Variants in DIAPH2 observed in about 807,000 individuals in gnomAD.
DIAPH2 encodes diaphanous related formin 2.
A neutral mutation model predicts 92.7 loss-of-function variants in DIAPH2; 35 were observed. The observed-to-expected ratio is 0.38, with a 90% CI of 0.29 to 0.50. The LOEUF (loss-of-function observed/expected upper bound fraction) is 0.50. Among genes scored for constraint, DIAPH2 ranks in the 20% least tolerant of loss-of-function variants. DIAPH2 has a pLI of 0.94. For synonymous variants in DIAPH2, 301 were observed against 280.4 expected (o/e 1.07, Z -0.73); for missense variants, 701 against 819.5 (o/e 0.86, Z 1.77).
At chrX:97,186,571 G>A (rs781603505) in intron 22 of DIAPH2, among the ~76,000 whole-genome samples, 255 of 112,096 alleles carry the variant, frequency 2.3e-3, no homozygotes, top group African/African-American at 8.1e-3. Flanking sequence ...TTGATTTTTA[G>A]CATGATGATT....
chrX:97,161,575 G>C (rs2147440459), intron 22 of DIAPH2, among the ~76,000 whole-genome samples: 1 of 110,711 alleles, frequency 9.0e-6, no homozygotes, highest in African/African-American at 3.3e-5. Context: ...TAATTTTTTT[G>C]TATTTTTGGT....
chrX:97,118,752 G>A (rs1167874706), intron 21 of DIAPH2, among the ~76,000 whole-genome samples: 1 of 111,916 alleles, frequency 8.9e-6, no homozygotes, highest in Non-Finnish European at 1.9e-5. Context: ...GGCAGTGCTG[G>A]TAAATTGAAA....
At chrX:97,514,373 G>T (rs1885124529) in intron 26 of DIAPH2, among the ~76,000 whole-genome samples, 1 of 111,576 alleles carries the variant, frequency 9.0e-6, no homozygotes, top group South Asian at 3.7e-4. Flanking sequence ...GCTCCTTTAA[G>T]CACTTCTCTG....
intron 17 of DIAPH2, among the ~76,000 whole-genome samples, chrX:97,065,149 G>T (rs2066625761): frequency 9.0e-6 from 1 of 111,501 alleles, no homozygotes; most frequent in African/African-American, 3.3e-5. Context: ...TCTTGGAGTT[G>T]ATTGCTGGAC....
chrX:96,938,142 T>A (rs2147799827), intron 11 of DIAPH2, among the ~76,000 whole-genome samples: 1 of 111,041 alleles, frequency 9.0e-6, no homozygotes, highest in African/African-American at 3.3e-5. Flanking sequence ...CAAAGTACCT[T>A]GTTTGTTCTA....
intron 1 of DIAPH2, among the ~76,000 whole-genome samples, chrX:96,710,495 A>G (rs1569371475): frequency 9.0e-6 from 1 of 111,606 alleles, no homozygotes; most frequent in African/African-American, 3.3e-5. Context: ...TGTCTGCCAC[A>G]TTCTTTCTGG....
intron 22 of DIAPH2, among the ~76,000 whole-genome samples, chrX:97,142,824 T>C (rs2067217109): frequency 9.0e-6 from 1 of 111,580 alleles, no homozygotes; most frequent in South Asian, 3.8e-4. Flanking sequence ...CTGAGGACTT[T>C]TGGTAAGGAC....
At chrX:97,007,761 CTT>C (rs1202951643) in intron 17 of DIAPH2, among the ~76,000 whole-genome samples, 2 of 80,959 alleles carry the variant, frequency 2.5e-5, no homozygotes, top group African/African-American at 4.8e-5. Flanking sequence ...TTCTTTTTTT[CTT>C]TTTTTTTTTT....
At position 97,185,306 on chromosome X, in the gene DIAPH2, A is replaced by AT. The variant is rs759560567; in HGVS notation, c.2719+43512_2719+43513insT. On this transcript the variant is annotated intron_variant, in intron 22 of 26. Coordinates refer to ENST00000324765, the MANE Select transcript of DIAPH2 (RefSeq NM_006729.5). ...TGAGACCCTGTCTCAAAAAAAAAAA[A>AT]ATATATATATATATATATGTGTATA... 2.6e-3 allele frequency among the ~76,000 whole-genome samples: 89 copies of AT among 34,442 alleles called. 6 individuals carry two copies. The highest frequency in any genetic ancestry group is 0.01 in the African/African-American group (61 of 5,953). The allele number at this position is 34,442 out of a possible 115,157, so 29.9% of individuals were successfully genotyped here.
chrX:97,091,515 G>A (rs1288123080), intron 19 of DIAPH2, among the ~76,000 whole-genome samples: 1 of 111,357 alleles, frequency 9.0e-6, no homozygotes, highest in Non-Finnish European at 1.9e-5. Flanking sequence ...GACTCAAGCA[G>A]TCCCCTATCT....
intron 22 of DIAPH2, among the ~76,000 whole-genome samples, chrX:97,151,274 C>T (rs1229314353): frequency 9.0e-6 from 1 of 111,174 alleles, no homozygotes; most frequent in Non-Finnish European, 1.9e-5. Context: ...TTCAACCAAG[C>T]GGTTTTTAAA....
At chrX:97,344,516 A>T (rs1215866685) in intron 23 of DIAPH2, among the ~76,000 whole-genome samples, 1 of 112,455 alleles carries the variant, frequency 8.9e-6, no homozygotes, top group African/African-American at 3.2e-5. Context: ...TCTTACCTGC[A>T]GTCCCATATA....
intron 26 of DIAPH2, among the ~76,000 whole-genome samples, chrX:97,465,246 A>ACT: frequency 9.1e-6 from 1 of 109,782 alleles, no homozygotes; most frequent in Admixed American, 9.7e-5. Flanking sequence ...TGTAAAATGA[A>ACT]CTATCCTGTC....
chrX:96,854,965 A>C (rs2065030769), intron 4 of DIAPH2, among the ~76,000 whole-genome samples: 2 of 110,240 alleles, frequency 1.8e-5, no homozygotes, highest in African/African-American at 3.3e-5. Context: ...TGAAATAAAC[A>C]TTGAGATACT....
At chrX:97,291,652 C>T (rs1021996875) in intron 23 of DIAPH2, among the ~76,000 whole-genome samples, 34 of 108,909 alleles carry the variant, frequency 3.1e-4, no homozygotes, top group Middle Eastern at 9.5e-3. Context: ...CCCACCTCAG[C>T]CTCCCAAGTA....
At chrX:97,590,666 C>T (rs1278782105) in intron 26 of DIAPH2, among the ~76,000 whole-genome samples, 1 of 111,938 alleles carries the variant, frequency 8.9e-6, no homozygotes, top group Non-Finnish European at 1.9e-5. Context: ...GTTTATTCTC[C>T]ACCAACCCAA....
At chrX:96,728,439 G>A (rs1029902627) in intron 1 of DIAPH2, among the ~76,000 whole-genome samples, 4 of 111,291 alleles carry the variant, frequency 3.6e-5, no homozygotes, top group African/African-American at 1.3e-4. Flanking sequence ...TCGAATTCCT[G>A]ACCTGAGGTG....
At chrX:97,112,078 T>C (rs2066984383) in intron 20 of DIAPH2, among the ~76,000 whole-genome samples, 1 of 112,123 alleles carries the variant, frequency 8.9e-6, no homozygotes. Context: ...TATAAAAATA[T>C]CAAATCCATG....
intron 26 of DIAPH2, among the ~76,000 whole-genome samples, chrX:97,593,992 T>C (rs945516065): frequency 9.0e-6 from 1 of 111,588 alleles, no homozygotes; most frequent in East Asian, 2.8e-4. Flanking sequence ...GCCAATTGGA[T>C]TTAAATTAAT....
Sources: gnomAD v4.1 joint callset for allele counts (sites outside exome capture counted in the v4.1 genomes callset) on GRCh38, gnomAD v4.1.1 for gene constraint, MANE v1.5 for transcripts, NCBI Gene and HGNC (gene_info 2026-07-23, HGNC 2026-07-21) for gene names.